Variants in CCDC171 observed in about 807,000 individuals in gnomAD.
CCDC171 encodes the protein coiled-coil domain-containing protein 171.
CCDC171 carries 177 observed loss-of-function variants against 168.2 expected under a neutral mutation model. The ratio of observed to expected loss-of-function variants is 1.05; its 90% CI spans 0.93 to 1.19. The LOEUF (loss-of-function observed/expected upper bound fraction) is 1.19, where lower values mean the gene tolerates loss of function less well. Ranked by LOEUF, CCDC171 falls within the 50% of genes most tolerant of loss-of-function variation. CCDC171 has a pLI of 0.00. For missense variants in CCDC171, 1,991 were observed against 1,539.0 expected (o/e 1.29, Z -4.91); for synonymous variants, 687 against 540.8 (o/e 1.27, Z -3.75).
intron 6 of CCDC171, among the ~76,000 whole-genome samples, chr9:16,028,007 A>G (rs906628697): frequency 1.3e-5 from 2 of 152,170 alleles, no homozygotes; most frequent in African/African-American, 4.8e-5. Flanking sequence ...TACTTAGCTT[A>G]TCCCTTCAAG....
At chr9:16,056,461 G>C (rs148400855) in intron 1 of CCDC171, among the ~76,000 whole-genome samples, 236 of 152,230 alleles carry the variant, frequency 1.6e-3, no homozygotes, top group African/African-American at 5.4e-3. Flanking sequence ...TACTATATTT[G>C]ACAGAGAAGT....
intron 7 of CCDC171, among the ~76,000 whole-genome samples, chr9:15,627,261 A>T (rs1282532415): frequency 1.3e-5 from 2 of 151,882 alleles, no homozygotes; most frequent in Non-Finnish European, 2.9e-5. Flanking sequence ...TCTTTTCAAA[A>T]AACCAACTCC....
chr9:15,562,738 ATGTATGTG>A (rs1429629499), intron 1 of CCDC171, among the ~76,000 whole-genome samples: 30 of 152,250 alleles, frequency 2.0e-4, no homozygotes, highest in African/African-American at 5.3e-4. Flanking sequence ...GGAACATTTC[ATGTATGTG>A]TTTTTGTGCC....
intron 10 of CCDC171, among the ~76,000 whole-genome samples, chr9:15,681,347 A>G (rs956171100): frequency 6.6e-6 from 1 of 152,082 alleles, no homozygotes; most frequent in East Asian, 1.9e-4. Context: ...TGTACAGTTG[A>G]TGTGGCTCAG....
intron 8 of CCDC171, among the ~76,000 whole-genome samples, chr9:15,665,683 A>T (rs1345165784): frequency 6.6e-6 from 1 of 152,192 alleles, no homozygotes; most frequent in Non-Finnish European, 1.5e-5. Flanking sequence ...TGAGAAGCTG[A>T]GGTGGGAGGA....
At chr9:15,606,289 C>T (rs1181530126) in intron 6 of CCDC171, among the ~76,000 whole-genome samples, 3 of 152,128 alleles carry the variant, frequency 2.0e-5, no homozygotes, top group Admixed American at 1.3e-4. Context: ...AAATTTTTAG[C>T]TCTAATTAAT....
At chr9:16,035,285 A>C (rs1194575070) in intron 6 of CCDC171, among the ~76,000 whole-genome samples, 1 of 152,276 alleles carries the variant, frequency 6.6e-6, no homozygotes, top group Non-Finnish European at 1.5e-5. Flanking sequence ...CATAATTAAC[A>C]TGGACATTAT....
chr9:15,666,046 G>T, intron 8 of CCDC171, 117 bp from the exon 9 acceptor site: 1 of 856,532 alleles, frequency 1.2e-6, no homozygotes, highest in Non-Finnish European at 1.8e-6. Context: ...AGCCAAAGCA[G>T]AAAGAAAGAA....
intron 24 of CCDC171, among the ~76,000 whole-genome samples, chr9:15,907,062 G>A (rs1232269679): frequency 7.9e-5 from 12 of 152,218 alleles, no homozygotes; most frequent in Middle Eastern, 3.4e-3. Flanking sequence ...AATCAATATC[G>A]TGAAAATGGC....
At chr9:15,658,796 G>A (rs10962110) in intron 8 of CCDC171, among the ~76,000 whole-genome samples, 54,535 of 151,990 alleles carry the variant, frequency 0.36, 12,200 homozygotes, top group East Asian at 0.64. Context: ...TTGCTGACAC[G>A]TGACTTTAGC....
intron 23 of CCDC171, among the ~76,000 whole-genome samples, chr9:15,872,598 C>T (rs866281636): frequency 3.3e-5 from 5 of 152,092 alleles, no homozygotes; most frequent in South Asian, 2.1e-4. Flanking sequence ...TCATCAATAT[C>T]GCAGTTAAAC....
chr9:15,989,186 G>T (rs1441916552), intron 3 of CCDC171, among the ~76,000 whole-genome samples: 1 of 152,192 alleles, frequency 6.6e-6, no homozygotes, highest in South Asian at 2.1e-4. Context: ...CCCAGTAGGG[G>T]CAGACTGACA....
intron 3 of CCDC171, among the ~76,000 whole-genome samples, chr9:16,018,687 C>G (rs1833091441): frequency 6.6e-6 from 1 of 152,258 alleles, no homozygotes; most frequent in African/African-American, 2.4e-5. Flanking sequence ...CCCAGTGGAG[C>G]TGTGCTCCAA....
At chr9:15,737,431 A>C (rs1288169130) in intron 16 of CCDC171, among the ~76,000 whole-genome samples, 3 of 152,302 alleles carry the variant, frequency 2.0e-5, no homozygotes, top group Admixed American at 6.5e-5. Flanking sequence ...ACTGGAGCCA[A>C]CCTGGGCCCT....
At chr9:15,587,497 G>C (rs1161709390) in intron 4 of CCDC171, 1 of 366,982 alleles carries the variant, frequency 2.7e-6, no homozygotes, top group Admixed American at 3.2e-5. Context: ...GAAACTGTAA[G>C]TCCAATAAAC....
chr9:15,558,720 G>A (rs1344901172), intron 1 of CCDC171, among the ~76,000 whole-genome samples: 1 of 151,914 alleles, frequency 6.6e-6, no homozygotes, highest in Admixed American at 6.6e-5. Flanking sequence ...GTTTTTTTGT[G>A]TCTCTATCTC....
intron 23 of CCDC171, among the ~76,000 whole-genome samples, chr9:15,867,514 A>T (rs1228848027): frequency 6.6e-6 from 1 of 152,056 alleles, no homozygotes; most frequent in East Asian, 1.9e-4. Context: ...CCTGAAGATC[A>T]GCTGTGCAGG....
chr9:15,935,632 C>T (rs1262308271), intron 25 of CCDC171, among the ~76,000 whole-genome samples: 2 of 151,984 alleles, frequency 1.3e-5, no homozygotes, highest in African/African-American at 4.8e-5. Context: ...TTATGTGAGT[C>T]TCACAATGTG....
chr9:15,965,145 GGCT>G (rs1255546901), intron 25 of CCDC171, among the ~76,000 whole-genome samples: 6 of 152,152 alleles, frequency 3.9e-5, no homozygotes, highest in Non-Finnish European at 5.9e-5. Flanking sequence ...TTGATGAAAG[GGCT>G]ATAACTTTCA....
Sources: allele counts gnomAD v4.1 joint callset (sites outside exome capture counted in the v4.1 genomes callset), GRCh38; gene constraint gnomAD v4.1.1; transcripts MANE v1.5; gene names NCBI Gene and HGNC (gene_info 2026-07-23, HGNC 2026-07-21).